MYH14: variants seen among roughly 807,000 people sequenced by gnomAD.
The protein encoded by MYH14 is myosin heavy chain 14, also known as myosin-14.
A neutral mutation model predicts 255.5 loss-of-function variants in MYH14; 123 were observed. The ratio of observed to expected loss-of-function variants is 0.48; its 90% CI spans 0.42 to 0.56. The LOEUF (loss-of-function observed/expected upper bound fraction) is 0.56. Among genes scored for constraint, MYH14 ranks in the 20% least tolerant of loss-of-function variants. The probability of loss-of-function intolerance (pLI) is 0.00; values close to 1 mark genes in which losing one functional copy is unlikely to be tolerated. For missense variants in MYH14, 2,423 were observed against 2,802.3 expected (o/e 0.86, Z 3.06); for synonymous variants, 1,095 against 1,161.2 (o/e 0.94, Z 1.16).
intron 39 of MYH14, among the ~76,000 whole-genome samples, chr19:50,299,435 G>C (rs1158410439): frequency 6.6e-6 from 1 of 151,116 alleles, no homozygotes; most frequent in African/African-American, 2.4e-5. Context: ...GCCGGACGTG[G>C]TGGTGTGTGC....
At position 50,257,325 on chromosome 19, in the gene MYH14, G is replaced by C. The variant is rs1024979045; in HGVS notation, c.2071G>C (p.Val691Leu). 2 of 1,608,820 alleles carry C rather than the reference G, an allele frequency of 1.2e-6. No homozygotes were observed. The highest frequency in any genetic ancestry group is 1.7e-6 in the Non-Finnish European group (2 of 1,177,314). Reference sequence around the variant, plus strand: ...GGAGGGCATCGTGGGGCTGGAACAGGTGAGCAGCCTGGGCGACGGCCCACC... The same window carrying C: ...GGAGGGCATCGTGGGGCTGGAACAGCTGAGCAGCCTGGGCGACGGCCCACC... ...GVEGIVGLEQ[V>L]SSLGDGPPGG... Residue 691 changes from valine (V) to leucine (L), a missense_variant, in exon 18 of 43, where the codon GTG becomes CTG. Val to Leu is a conservative substitution (Grantham distance 32, BLOSUM62 1). Transcript: ENST00000642316.
chr19:50,287,650 C>T (rs1382827964), intron 34 of MYH14, among the ~76,000 whole-genome samples: 1 of 152,116 alleles, frequency 6.6e-6, no homozygotes, highest in Non-Finnish European at 1.5e-5. Context: ...TAGGCTCAAA[C>T]AATCCTCCCA....
At chr19:50,269,021 A>AGC (rs1421555049) in intron 24 of MYH14, among the ~76,000 whole-genome samples, 1 of 152,200 alleles carries the variant, frequency 6.6e-6, no homozygotes, top group African/African-American at 2.4e-5. Flanking sequence ...GTTTATAAAA[A>AGC]CTAGATTCAC....
chr19:50,232,593 CAAAAAAA>C (rs532232129), intron 10 of MYH14, among the ~76,000 whole-genome samples: 1 of 63,710 alleles, frequency 1.6e-5, no homozygotes, highest in Non-Finnish European at 2.7e-5. Context: ...GACTCTGTCT[CAAAAAAA>C]AAAAAAAAAA....
At chr19:50,309,286 C>A in intron 42 of MYH14, 109 bp downstream of exon 42, 2 of 1,133,522 alleles carry the variant, frequency 1.8e-6, no homozygotes, top group Non-Finnish European at 2.7e-6. Context: ...ATGGGATCCA[C>A]GGGGGTGTGG....
chr19:50,241,424 ACT>A (rs1293148829), intron 10 of MYH14, among the ~76,000 whole-genome samples: 1 of 151,678 alleles, frequency 6.6e-6, no homozygotes, highest in Non-Finnish European at 1.5e-5. Context: ...ACACAGCAAG[ACT>A]CTATCTCAAA....
At position 50,309,795 on chromosome 19, in the gene MYH14, A is replaced by T. The variant is rs1337597373; in HGVS notation, c.*5A>T. On this transcript the variant is annotated 3_prime_UTR_variant, in exon 43 of 43. Transcript: ENST00000642316. ...CCACCAGCCCACCCCCAGTGACCCT[A>T]CCCTGTCCCCAGATGCACTAACAGA... 1.9e-6 allele frequency: 3 copies of T among 1,556,544 alleles called. No homozygotes were observed. Among genetic ancestry groups the T allele is most frequent in the Non-Finnish European group, 2.6e-6 (3 of 1,148,598 alleles).
intron 11 of MYH14, among the ~76,000 whole-genome samples, chr19:50,245,282 G>A (rs1321159114): frequency 1.3e-5 from 2 of 151,938 alleles, no homozygotes; most frequent in Non-Finnish European, 2.9e-5. Context: ...AACTGGGAAT[G>A]GTGATGGGTG....
At chr19:50,288,018 G>T (rs114238012) in intron 34 of MYH14, among the ~76,000 whole-genome samples, 212 of 152,274 alleles carry the variant, frequency 1.4e-3, no homozygotes, top group African/African-American at 4.8e-3. Flanking sequence ...TCCAGGGCCT[G>T]TAGGGTGGTG....
chr19:50,239,080 C>G lies in MYH14; in HGVS notation c.1115-5162C>G, dbSNP rs147650863. On this transcript the variant is annotated intron_variant, in intron 10 of 42. Coordinates refer to ENST00000642316, the MANE Select transcript of MYH14 (RefSeq NM_001145809.2). ...TGTCCCCCAGGCTGGAGTACAGTGG[C>G]GCGATCTCAGCTCACTGCAACCTCC... 4.9e-4 allele frequency among the ~76,000 whole-genome samples: 75 copies of G among 152,170 alleles called. 1 individual carries two copies. In the South Asian group the frequency reaches 0.015, roughly 29 times the overall value.
intron 8 of MYH14, among the ~76,000 whole-genome samples, chr19:50,228,242 C>T (rs992317677): frequency 2.0e-5 from 3 of 150,276 alleles, no homozygotes; most frequent in Non-Finnish European, 2.9e-5. Context: ...GCCGAGATCA[C>T]GCCACTGCAC....
chr19:50,276,795 C>T lies in MYH14; in HGVS notation c.3719C>T (p.Thr1240Ile). The T allele has an allele frequency of 1.2e-6, 2 of 1,613,438 alleles. No individual in the cohort carries two copies. Among genetic ancestry groups the T allele is most frequent in the Non-Finnish European group, 1.7e-6 (2 of 1,179,864 alleles). ...CAGGAGGTGACGGAGCTGAAGAAGA[C>T]TCTGGAGGAGGAGACTCGCATCCAC... ...REQEVTELKK[T>I]LEEETRIHEA... Residue 1240 changes from threonine to isoleucine, a missense_variant, in exon 29 of 43, where the codon ACT (threonine) becomes ATT (isoleucine). Thr to Ile is a moderately conservative substitution (Grantham distance 89). Transcript: ENST00000642316. This position sits in a 1 kb window ranked among gnomAD's most constrained non-coding sequence, Gnocchi z 4.3.
intron 34 of MYH14, among the ~76,000 whole-genome samples, chr19:50,288,997 G>A (rs575765013): frequency 6.6e-6 from 1 of 152,174 alleles, no homozygotes; most frequent in South Asian, 2.1e-4. Context: ...TAGTGGGTCG[G>A]TGACACCCTG....
chr19:50,227,805 C>G (rs963164593), intron 8 of MYH14, among the ~76,000 whole-genome samples: 9 of 152,206 alleles, frequency 5.9e-5, no homozygotes, highest in Non-Finnish European at 1.3e-4. Context: ...AGTTCTGCCA[C>G]TTTGAGACTC....
At position 50,230,931 on chromosome 19, in the gene MYH14, G is replaced by A. The variant is rs985878384; in HGVS notation, c.973+308G>A. 1.1e-5 allele frequency: 4 copies of A among 379,968 alleles called. No individual in the cohort carries two copies. The highest frequency in any genetic ancestry group is 1.5e-5 in the Non-Finnish European group (3 of 203,762). The allele number at this position is 379,968 out of a possible 1,614,324, so 23.5% of individuals were successfully genotyped here. ...CGAAGCTCCGTGGCTTCTCTCTCGC[G>A]CGGCTTCTCCTCACTCCGGCGGGTG... On this transcript the variant is annotated intron_variant, in intron 9 of 42. Coordinates refer to ENST00000642316, the MANE Select transcript of MYH14 (RefSeq NM_001145809.2). The surrounding 1 kb of genome is among the most constrained non-coding windows in gnomAD (Gnocchi z 4.7).
chr19:50,276,065 C>G lies in MYH14; in HGVS notation c.3542C>G (p.Ala1181Gly). The change falls in exon 28 of 43, where the codon GCC (alanine) becomes GGC (glycine). Residue 1181 changes from alanine (A) to glycine (G), a missense_variant. Physicochemically the swap from Ala to Gly is moderately conservative, Grantham distance 60 (BLOSUM62 0). Coordinates refer to ENST00000642316, the MANE Select transcript of MYH14 (RefSeq NM_001145809.2). This position sits in a 1 kb window ranked among gnomAD's most constrained non-coding sequence, Gnocchi z 4.3. ...GAGGCTCAAGCAGCCCTGGCCGAGG[C>G]CCAGGAGGACCTGGAGTCTGAGCGT... is the stretch of plus-strand genomic sequence containing the variant. ...LREAQAALAE[A>G]QEDLESERVA... 1 of 1,611,622 alleles carries G rather than the reference C, an allele frequency of 6.2e-7. No individual in the cohort carries two copies. Among genetic ancestry groups the G allele is most frequent in the Middle Eastern group, 1.7e-4 (1 of 5,936 alleles).
rs141817151 is a variant in MYH14, at chr19:50,251,705, G to T, written c.1831-934G>T. Among the ~76,000 whole-genome samples the T allele has an allele frequency of 5.4e-3, 828 of 152,078 alleles. 6 individuals carry two copies. The highest frequency in any genetic ancestry group is 0.018 in the African/African-American group (741 of 41,474). On this transcript the variant is annotated intron_variant, in intron 15 of 42. Transcript: ENST00000642316. ...CAATTCTTCTGCCTCAGCCTCCCCAGTAGCTGGGATTACAGGCACCTGCCA... is the reference window on the plus strand; with the variant it reads ...CAATTCTTCTGCCTCAGCCTCCCCATTAGCTGGGATTACAGGCACCTGCCA...
chr19:50,287,592 T>G (rs2035934572), intron 34 of MYH14, among the ~76,000 whole-genome samples: 1 of 152,074 alleles, frequency 6.6e-6, no homozygotes, highest in African/African-American at 2.4e-5. Context: ...TTTAAATTTT[T>G]TGTGGAGATG....
intron 2 of MYH14, among the ~76,000 whole-genome samples, chr19:50,216,457 AGCCTAGTGGATT>A (rs1218264307): frequency 2.6e-5 from 4 of 152,068 alleles, no homozygotes; most frequent in African/African-American, 9.7e-5. Flanking sequence ...AAGAAAAATT[AGCCTAGTGGATT>A]GACACACACT....
Sources: gnomAD v4.1 joint callset for allele counts (sites outside exome capture counted in the v4.1 genomes callset) on GRCh38, gnomAD v4.1.1 for gene constraint, Gnocchi (gnomAD v3.1) non-coding constraint, MANE v1.5 for transcripts, NCBI Gene and HGNC (gene_info 2026-07-23, HGNC 2026-07-21) for gene names.